NBPF12: variants seen among roughly 807,000 people sequenced by gnomAD.
NBPF12 encodes the protein NBPF family member NBPF12.
In NBPF12, 115 loss-of-function variants were observed where a neutral mutation model predicts 146.4. The observed-to-expected ratio is 0.79, with a 90% CI of 0.68 to 0.92. NBPF12 has a LOEUF of 0.92. Among genes scored for constraint, NBPF12 ranks in the 40% least tolerant of loss-of-function variants. The pLI, the probability that NBPF12 is intolerant of heterozygous loss-of-function variation, is 0.00. For missense variants in NBPF12, 1,205 were observed against 1,326.8 expected (o/e 0.91, Z 1.43); for synonymous variants, 385 against 508.9 (o/e 0.76, Z 3.28).
chr1:146,972,665 T>C, intron 13 of NBPF12, 86 bp from the exon 17 acceptor site: 1 of 1,108,718 alleles, frequency 9.0e-7, no homozygotes. Context: ...TAGACAAGGC[T>C]ACCAGTGACA....
At chr1:146,957,981 G>A (rs1358030117) in intron 2 of NBPF12, among the ~76,000 whole-genome samples, 2 of 80,520 alleles carry the variant, frequency 2.5e-5, no homozygotes, top group African/African-American at 9.0e-5. Context: ...ATGTATATAT[G>A]TGTGTGTATA....
At chr1:146,975,596 T>G (rs1656941811) in intron 15 of NBPF12, 81 bp from the exon 19 acceptor site, 1 of 625,372 alleles carries the variant, frequency 1.6e-6, no homozygotes, top group Non-Finnish European at 2.8e-6. Flanking sequence ...GAGGACATTG[T>G]CTCAGAAATC....
At chr1:146,969,204 G>A (rs1326515440) in intron 10 of NBPF12, among the ~76,000 whole-genome samples, 178 bp from the exon 14 acceptor site, 20 of 151,292 alleles carry the variant, frequency 1.3e-4, no homozygotes, top group African/African-American at 4.4e-4. Context: ...CTGATACAGA[G>A]GAAGCCTGTA....
In NBPF12 at chr1:146,994,426, CCTGA is replaced by C; in HGVS notation, c.4228_4231del (p.Asp1410HisfsTer30). On this transcript the variant is annotated frameshift_variant, in exon 34 of 34. Coordinates refer to ENST00000617844, the Ensembl canonical transcript of NBPF12. LOFTEE classifies it high-confidence loss of function. The stretch of plus-strand genomic sequence containing the variant: ...GACTCCATCAATGTACTTTGAACTA[CCTGA>C]CTCATTCCAGCACTACAGAAGTGTG... 1 of 1,612,244 alleles carries C rather than the reference CCTGA, an allele frequency of 6.2e-7. No individual in the cohort carries two copies. Among genetic ancestry groups the C allele is most frequent in the South Asian group, 1.1e-5 (1 of 91,002 alleles).
exon 14 of NBPF12, chr1:146,972,899 C>G: frequency 1.9e-6 from 2 of 1,056,064 alleles, no homozygotes; most frequent in Non-Finnish European, 3.0e-6. Flanking sequence ...TCAGAAGCCT[C>G]AAAGAGAAAT....
chr1:146,972,789 G>GTGGTATCAGCC lies in NBPF12; in HGVS notation c.1631_1641dup (p.Gly548TrpfsTer14). On this transcript the variant is annotated frameshift_variant, in exon 14 of 34. Transcript: ENST00000617844. LOFTEE classifies it high-confidence loss of function. The stretch of plus-strand genomic sequence containing the variant: ...CTCTTCTGCCACAAACGTCAGCATG[G>GTGGTATCAGCC]TGGTATCAGCCGGCCCTTTGTCCAG... The GTGGTATCAGCC allele has an allele frequency of 7.8e-7, 1 of 1,287,348 alleles. No individual in the cohort carries two copies. Among genetic ancestry groups the GTGGTATCAGCC allele is most frequent in the Admixed American group, 1.7e-5 (1 of 59,542 alleles). 79.7% of individuals were successfully genotyped at this position (1,287,348 alleles called of 1,614,324 possible).
chr1:146,984,324 G>C (rs1657578691), intron 21 of NBPF12, 139 bp downstream of exon 24: 1 of 700,490 alleles, frequency 1.4e-6, no homozygotes, highest in Non-Finnish European at 2.6e-6. Context: ...TTGTTTTTTG[G>C]TTCTCATTAG....
chr1:146,994,521 G>A, exon 34 of NBPF12: 1 of 1,609,562 alleles, frequency 6.2e-7, no homozygotes, highest in South Asian at 1.1e-5. Context: ...TTTTTACTTT[G>A]ACGGTGACAA....
At chr1:146,951,697 G>T (rs1655329832) in intron 2 of NBPF12, 2 of 502,554 alleles carry the variant, frequency 4.0e-6, no homozygotes, top group Non-Finnish European at 7.1e-6. Context: ...ATTGCATTAG[G>T]CTTAAATTTA....
intron 31 of NBPF12, among the ~76,000 whole-genome samples, chr1:146,992,434 T>TTCTCTCTCTCTCTC (rs139645973): frequency 2.5e-5 from 2 of 81,560 alleles, no homozygotes; most frequent in African/African-American, 1.2e-4. Context: ...ACTGAGCTCG[T>TTCTCTCTCTCTCTC]TCTCTCTCTC....
At chr1:146,960,210 A>G in exon 4 of NBPF12, 1 of 947,230 alleles carries the variant, frequency 1.1e-6, no homozygotes, top group South Asian at 1.3e-5. Flanking sequence ...AATCAACGAG[A>G]AATTGCGCCC....
chr1:146,970,159 A>G (rs1656498202), intron 11 of NBPF12, among the ~76,000 whole-genome samples: 1 of 150,820 alleles, frequency 6.6e-6, no homozygotes, highest in Non-Finnish European at 1.5e-5. Context: ...GAAGTGCTTC[A>G]GACTGGAGCA....
intron 4 of NBPF12, among the ~76,000 whole-genome samples, chr1:146,960,833 C>T (rs1432016964): frequency 1.3e-5 from 2 of 152,036 alleles, no homozygotes; most frequent in East Asian, 3.9e-4. Flanking sequence ...CCTGTGCTAT[C>T]TATAAGTGAC....
At chr1:146,984,577 CTGTGTGTGTGTGTGTGTGTGTG>C (rs1195588193) in intron 21 of NBPF12, among the ~76,000 whole-genome samples, 9 of 132,716 alleles carry the variant, frequency 6.8e-5, no homozygotes, top group Non-Finnish European at 1.1e-4. Context: ...TGAGCTCACA[CTGTGTGTGTGTGTGTGTGTGTG>C]TGTGTGTGTG....
At chr1:146,995,607 A>G (rs1658494073) in exon 34 of NBPF12, 2 of 151,438 alleles carry the variant, frequency 1.3e-5, no homozygotes, top group Non-Finnish European at 2.9e-5. Context: ...TCAATGATCT[A>G]CATTCTGAAG....
At chr1:146,981,380 C>T (rs1657379913) in intron 19 of NBPF12, among the ~76,000 whole-genome samples, 1 of 149,052 alleles carries the variant, frequency 6.7e-6, no homozygotes. Flanking sequence ...TTGAATATTG[C>T]TCCCACTCTC....
In NBPF12 at chr1:146,970,103, G is replaced by A. The variant is rs1273093935; in HGVS notation, c.1306+507G>A. 4.0e-5 allele frequency among the ~76,000 whole-genome samples: 6 copies of A among 150,692 alleles called. No individual in the cohort carries two copies. The East Asian group carries it at 9.7e-4, about 24-fold the overall frequency. ...TCAAAATGAGATGAAGCCCCTCTCG[G>A]TGTGGTGTTGGGGAAGGCACTTGAT... On this transcript the variant is annotated intron_variant, in intron 11 of 33. Transcript: ENST00000617844.
chr1:146,991,345 T>C lies in NBPF12; in HGVS notation c.3796+60T>C, dbSNP rs1185777287. On this transcript the variant is annotated intron_variant, in intron 30 of 33. Transcript: ENST00000617844. The stretch of plus-strand genomic sequence containing the variant: ...CCTGGCCTTCCAGATAGGGGTGACA[T>C]TCCTGTTCCAAGTGGCCCTTACTGA... 1.9e-5 allele frequency: 18 copies of C among 970,124 alleles called. 5 individuals are homozygous for C. The highest frequency in any genetic ancestry group is 5.5e-5 in the Admixed American group (2 of 36,376). The allele number at this position is 970,124 out of a possible 1,614,324, so 60.1% of individuals were successfully genotyped here. A position where few individuals can be genotyped will look rare whatever the true frequency, so the allele number is the denominator to read the frequency against.
chr1:146,976,245 T>C (rs1311017214), intron 16 of NBPF12, among the ~76,000 whole-genome samples: 4 of 151,872 alleles, frequency 2.6e-5, no homozygotes, highest in Non-Finnish European at 5.9e-5. Context: ...TCGGCAATGT[T>C]CTTAGTAACT....
Sources: gnomAD v4.1 joint callset for allele counts (sites outside exome capture counted in the v4.1 genomes callset) on GRCh38, gnomAD v4.1.1 for gene constraint, MANE v1.5 for transcripts, NCBI Gene and HGNC (gene_info 2026-07-23, HGNC 2026-07-21) for gene names.